Variants in HEATR5A observed in about 807,000 individuals in gnomAD.
HEATR5A encodes the protein HEAT repeat-containing protein 5A.
A neutral mutation model predicts 218.8 loss-of-function variants in HEATR5A; 178 were observed. The observed-to-expected ratio is 0.81, with a 90% CI of 0.72 to 0.92. HEATR5A has a LOEUF of 0.92. Ranked by LOEUF, HEATR5A falls within the 40% of genes least tolerant of loss-of-function variation. The probability of loss-of-function intolerance (pLI) is 0.00; values close to 1 mark genes in which losing one functional copy is unlikely to be tolerated. For synonymous variants in HEATR5A, 864 were observed against 871.6 expected (o/e 0.99, Z 0.15); for missense variants, 2,420 against 2,418.9 (o/e 1.00, Z -0.01).
chr14:31,391,293 C>G (rs977549029), intron 6 of HEATR5A, among the ~76,000 whole-genome samples: 4 of 152,068 alleles, frequency 2.6e-5, no homozygotes, highest in African/African-American at 9.7e-5. Context: ...CATGCCACCA[C>G]GTCCCGCTAA....
At position 31,323,688 on chromosome 14, in the gene HEATR5A, G is replaced by A. The variant is rs553912721; in HGVS notation, c.3664C>T (p.Arg1222Ter). 2.7e-5 allele frequency: 44 copies of A among 1,613,668 alleles called. No homozygotes were observed. The highest frequency in any genetic ancestry group is 3.3e-5 in the South Asian group (3 of 91,066). The change falls in exon 24 of 36, where the codon CGA becomes TGA. Residue 1222 changes from arginine (R) to a stop codon, truncating the protein, a stop_gained. Coordinates refer to ENST00000543095, the MANE Select transcript of HEATR5A (RefSeq NM_015473.4). LOFTEE classifies it high-confidence loss of function. Reference protein sequence around the residue: ...DEKSHPFTNPRWATRVFAAEC... With the variant: ...DEKSHPFTNP ...GCAGCAAAGACTCTAGTAGCCCATC[G>A]GGGATTGGTAAAAGGATGGGATTTT...
At chr14:31,316,958 G>A (rs149173482) in intron 26 of HEATR5A, among the ~76,000 whole-genome samples, 1 of 152,222 alleles carries the variant, frequency 6.6e-6, no homozygotes, top group African/African-American at 2.4e-5. Context: ...AAAGTGTTGG[G>A]ATTATAGGAA....
At chr14:31,352,915 C>T (rs968670149) in intron 16 of HEATR5A, among the ~76,000 whole-genome samples, 5 of 150,744 alleles carry the variant, frequency 3.3e-5, no homozygotes, top group South Asian at 2.1e-4. Context: ...GAGATGGCAC[C>T]GCTGTACTCC....
chr14:31,304,323 A>C (rs1899484291), intron 32 of HEATR5A, among the ~76,000 whole-genome samples: 1 of 152,258 alleles, frequency 6.6e-6, no homozygotes, highest in African/African-American at 2.4e-5. Flanking sequence ...TGTATACCAA[A>C]ACATGCCCAA....
At chr14:31,376,028 T>C (rs891696255) in intron 11 of HEATR5A, among the ~76,000 whole-genome samples, 23 of 152,188 alleles carry the variant, frequency 1.5e-4, no homozygotes, top group African/African-American at 5.5e-4. Flanking sequence ...TCCAAACCCA[T>C]AGCTCAGAAC....
intron 14 of HEATR5A, 109 bp downstream of exon 14, chr14:31,364,080 A>G: frequency 1.8e-6 from 1 of 551,622 alleles, no homozygotes; most frequent in South Asian, 3.2e-5. Flanking sequence ...ACAAGGCACT[A>G]AATAACTGCC....
intron 12 of HEATR5A, among the ~76,000 whole-genome samples, chr14:31,374,564 T>C (rs555569379): frequency 3.9e-5 from 6 of 152,260 alleles, no homozygotes; most frequent in African/African-American, 1.4e-4. Flanking sequence ...GACAAAACAA[T>C]GTTGGCAGTT....
chr14:31,326,435 TA>T (rs1470524309), intron 22 of HEATR5A, 93 bp from the exon 23 acceptor site: 4 of 882,222 alleles, frequency 4.5e-6, no homozygotes, highest in Non-Finnish European at 7.1e-6. Context: ...AAATAGTAGA[TA>T]AAAATACATC....
At chr14:31,402,678 A>G (rs2030923056) in intron 2 of HEATR5A, among the ~76,000 whole-genome samples, 172 bp downstream of exon 2, 1 of 152,208 alleles carries the variant, frequency 6.6e-6, no homozygotes, top group South Asian at 2.1e-4. Flanking sequence ...ACTTCTTCTA[A>G]TAATAAAAAT....
At chr14:31,373,161 A>G (rs1046630885) in intron 12 of HEATR5A, among the ~76,000 whole-genome samples, 29 of 151,746 alleles carry the variant, frequency 1.9e-4, no homozygotes, top group Non-Finnish European at 3.1e-4. Flanking sequence ...AGCTCAAGCA[A>G]TCCACTCATC....
In HEATR5A at chr14:31,404,800, G is replaced by A. The variant is rs538520246; in HGVS notation, c.-74-1751C>T. 1.8e-3 allele frequency among the ~76,000 whole-genome samples: 273 copies of A among 152,082 alleles called. 1 individual carries two copies. The highest frequency in any genetic ancestry group is 5.6e-3 in the South Asian group (27 of 4,816). On this transcript the variant is annotated intron_variant, in intron 1 of 35. Transcript: ENST00000543095. The stretch of plus-strand genomic sequence containing the variant: ...ATGGTGGCGCGTGCCTGTAGTCCCC[G>A]CTACTTGTGAGACTGAGGTAGGAGG...
chr14:31,343,198 T>G (rs1181228218), intron 21 of HEATR5A, among the ~76,000 whole-genome samples: 1 of 152,062 alleles, frequency 6.6e-6, no homozygotes, highest in African/African-American at 2.4e-5. Flanking sequence ...GTTCAAGCGA[T>G]TCTCCTGGCT....
chr14:31,380,595 C>G lies in HEATR5A; in HGVS notation c.1597-17G>C. The G allele has an allele frequency of 3.3e-6, 5 of 1,495,770 alleles. No homozygotes were observed. The highest frequency in any genetic ancestry group is 4.6e-6 in the Non-Finnish European group (5 of 1,097,284). 92.7% of individuals were successfully genotyped at this position (1,495,770 alleles called of 1,614,324 possible). On this transcript the variant is annotated splice_polypyrimidine_tract_variant and intron_variant, in intron 10 of 35. Coordinates refer to ENST00000543095, the MANE Select transcript of HEATR5A (RefSeq NM_015473.4). ...CATAATAATCTATTTACATATAGAA[C>G]AAGTTTTAAAAAAAGCATATCAGTT...
At position 31,296,049 on chromosome 14, in the gene HEATR5A, G is replaced by C; in HGVS notation, c.5479C>G (p.Gln1827Glu). ...DCWDPVDETH[Q>E]ELDEVSLLTA... ...AGTAGACTGACTTCATCAAGTTCTT[G>C]GTGTGTTTCATCAACTAAAGAGAAA... The change falls in exon 34 of 36, where the codon CAA (glutamine) becomes GAA (glutamate). Residue 1827 changes from glutamine (Q) to glutamate (E), a missense_variant. Physicochemically the swap from Gln to Glu is conservative, Grantham distance 29 (BLOSUM62 2). Coordinates refer to ENST00000543095, the MANE Select transcript of HEATR5A (RefSeq NM_015473.4). The C allele has an allele frequency of 6.2e-7, 1 of 1,613,088 alleles. No individual in the cohort carries two copies.
chr14:31,343,040 A>T (rs1481699706), intron 21 of HEATR5A, among the ~76,000 whole-genome samples: 1 of 152,044 alleles, frequency 6.6e-6, no homozygotes, highest in Admixed American at 6.6e-5. Flanking sequence ...TCCAAATGCA[A>T]CTCAGTTTTT....
chr14:31,300,950 G>A (rs1348597352), intron 33 of HEATR5A, among the ~76,000 whole-genome samples: 1 of 151,980 alleles, frequency 6.6e-6, no homozygotes, highest in African/African-American at 2.4e-5. Flanking sequence ...GAAATGCAGC[G>A]ATAATTAAGA....
intron 32 of HEATR5A, among the ~76,000 whole-genome samples, chr14:31,304,478 C>T (rs1296256796): frequency 2.0e-5 from 3 of 152,048 alleles, no homozygotes; most frequent in African/African-American, 4.8e-5. Context: ...AGTGCAATGG[C>T]GTGATCCTGG....
intron 24 of HEATR5A, 63 bp from the exon 25 acceptor site, chr14:31,321,743 G>T: frequency 8.1e-7 from 1 of 1,240,768 alleles, no homozygotes; most frequent in Non-Finnish European, 1.1e-6. Flanking sequence ...AAATGTGCTG[G>T]AACTAAGACT....
chr14:31,328,175 A>AG (rs752349254), intron 22 of HEATR5A, among the ~76,000 whole-genome samples: 1 of 151,926 alleles, frequency 6.6e-6, no homozygotes, highest in African/African-American at 2.4e-5. Flanking sequence ...GCTGGTCTCG[A>AG]ACTCCTGACC....
Sources: gnomAD v4.1 joint callset for allele counts (sites outside exome capture counted in the v4.1 genomes callset) on GRCh38, gnomAD v4.1.1 for gene constraint, MANE v1.5 for transcripts, NCBI Gene and HGNC (gene_info 2026-07-23, HGNC 2026-07-21) for gene names.